Variants in TNRC6B observed in about 807,000 individuals in gnomAD.
The protein encoded by TNRC6B is trinucleotide repeat-containing gene 6B protein.
TNRC6B carries 52 observed loss-of-function variants against 203.6 expected under a neutral mutation model. The observed-to-expected ratio is 0.26, with a 90% confidence interval of 0.20 to 0.32. The LOEUF is 0.32. Ranked by LOEUF, TNRC6B falls within the 10% of genes least tolerant of loss-of-function variation. The probability of loss-of-function intolerance (pLI) is 1.00; values close to 1 mark genes in which losing one functional copy is unlikely to be tolerated. For synonymous variants in TNRC6B, 838 were observed against 845.7 expected, an observed-to-expected ratio of 0.99 and a Z score of 0.16; for missense variants, 1,923 against 2,286.2, an observed-to-expected ratio of 0.84 and a Z score of 3.24.
At chr22:40,281,344 G>A (rs2070719113) in intron 11 of TNRC6B, 55 bp downstream of exon 11, 1 of 1,399,076 alleles carries the variant, frequency 7.1e-7, no homozygotes, top group Non-Finnish European at 9.5e-7. Flanking sequence ...CCTTGGTCCT[G>A]GTCTGCAGTT....
At position 40,331,621 on chromosome 22, in the gene TNRC6B, C is replaced by T. The variant is rs367800790; in HGVS notation, c.*8380C>T. ...TATTATGCAAATGTGAATTTTGATA[C>T]TGAATTTAAGAAGAGGTTGTTGGAT... On this transcript the variant is annotated 3_prime_UTR_variant, in exon 23 of 23. Coordinates refer to ENST00000454349, the MANE Select transcript of TNRC6B (RefSeq NM_001162501.2). 13 of 298,566 alleles carry T rather than the reference C, an allele frequency of 4.4e-5. 1 individual carries two copies. Among genetic ancestry groups the T allele is most frequent in the East Asian group, 2.9e-4 (6 of 20,766 alleles). The allele number at this position is 298,566 out of a possible 1,614,324, so 18.5% of individuals were successfully genotyped here.
chr22:40,316,391 G>T (rs185974684), intron 21 of TNRC6B, among the ~76,000 whole-genome samples: 1 of 151,378 alleles, frequency 6.6e-6, no homozygotes, highest in Non-Finnish European at 1.5e-5. Flanking sequence ...AAAGATGGGG[G>T]TTGGTTTCTC....
chr22:40,282,808 T>A (rs2070735045), intron 11 of TNRC6B, among the ~76,000 whole-genome samples: 2 of 152,130 alleles, frequency 1.3e-5, no homozygotes, highest in South Asian at 4.1e-4. Flanking sequence ...AAATTTAAGA[T>A]TTCGATTTTC....
intron 4 of TNRC6B, among the ~76,000 whole-genome samples, chr22:40,163,726 A>G (rs1191722149): frequency 2.6e-5 from 4 of 152,098 alleles, no homozygotes; most frequent in Non-Finnish European, 4.4e-5. Flanking sequence ...GCATCATTGC[A>G]ATCCAGCCTG....
At chr22:40,072,293 C>T (rs996489955) in intron 1 of TNRC6B, among the ~76,000 whole-genome samples, 5 of 152,144 alleles carry the variant, frequency 3.3e-5, no homozygotes, top group East Asian at 1.9e-4. Context: ...GTTTCCCTAA[C>T]GGAGCGCTTA....
At chr22:40,052,592 A>G (rs57416327) in intron 1 of TNRC6B, among the ~76,000 whole-genome samples, 6,719 of 151,788 alleles carry the variant, frequency 0.044, 446 homozygotes, top group African/African-American at 0.15. Flanking sequence ...GAACAGCTGG[A>G]ACTACAGACA....
chr22:40,168,117 T>C (rs1168974101), intron 4 of TNRC6B, among the ~76,000 whole-genome samples: 1 of 152,220 alleles, frequency 6.6e-6, no homozygotes, highest in Non-Finnish European at 1.5e-5. Flanking sequence ...TAATAATTTA[T>C]CTTACACTTT....
At chr22:40,291,576 G>A (rs2070869812) in intron 12 of TNRC6B, among the ~76,000 whole-genome samples, 1 of 152,130 alleles carries the variant, frequency 6.6e-6, no homozygotes, top group Admixed American at 6.6e-5. Context: ...TGTTAACATT[G>A]TGTCCTTGAA....
At chr22:40,173,798 T>TATAA (rs1347105048), upstream of TNRC6B, among the ~76,000 whole-genome samples, 2 of 61,112 alleles carry the variant, frequency 3.3e-5, no homozygotes, top group Admixed American at 2.1e-4. Flanking sequence ...TATATATTTT[T>TATAA]TTTTTTTTTT....
At chr22:40,233,901 C>T (rs1047919551) in intron 1 of TNRC6B, among the ~76,000 whole-genome samples, 1 of 152,174 alleles carries the variant, frequency 6.6e-6, no homozygotes. Flanking sequence ...TTGTTCTTGC[C>T]TGCACATGCA....
chr22:40,236,756 T>A (rs1167135259), intron 1 of TNRC6B, among the ~76,000 whole-genome samples: 2 of 152,140 alleles, frequency 1.3e-5, no homozygotes, highest in Non-Finnish European at 2.9e-5. Context: ...CAGGTGGAGA[T>A]TAATATGTTC....
At chr22:40,081,817 T>C (rs2068066040) in intron 1 of TNRC6B, among the ~76,000 whole-genome samples, 1 of 152,216 alleles carries the variant, frequency 6.6e-6, no homozygotes, top group African/African-American at 2.4e-5. Context: ...TTCTCTTGTT[T>C]ATCTCTGAAA....
At chr22:40,106,341 C>T in intron 1 of TNRC6B, 1 of 1,166,864 alleles carries the variant, frequency 8.6e-7, no homozygotes, top group Non-Finnish European at 1.2e-6. Flanking sequence ...TCTAATAAGC[C>T]TGTTGATCTG....
chr22:40,105,928 G>A lies in TNRC6B; in HGVS notation c.-120-11127G>A, dbSNP rs575385417. Among the ~76,000 whole-genome samples, 5 of 152,266 alleles carry A rather than the reference G, an allele frequency of 3.3e-5. No individual in the cohort carries two copies. The East Asian group carries it at 7.7e-4, about 23-fold the overall frequency. On this transcript the variant is annotated intron_variant, in intron 1 of 23. Transcript: ENST00000301923. Reference sequence around the variant, plus strand: ...AGATTTCTGTTGTTCCATAGCCCGAGCAACACTTAATCATATCAGACTTTG... The same window carrying A: ...AGATTTCTGTTGTTCCATAGCCCGAACAACACTTAATCATATCAGACTTTG...
intron 4 of TNRC6B, among the ~76,000 whole-genome samples, chr22:40,160,779 G>A (rs2068865378): frequency 1.3e-5 from 2 of 151,918 alleles, no homozygotes; most frequent in African/African-American, 2.4e-5. Flanking sequence ...GCCGAGGCTG[G>A]TCTCAAACTC....
At chr22:40,263,938 G>A (rs1264317199) in intron 4 of TNRC6B, among the ~76,000 whole-genome samples, 1 of 152,236 alleles carries the variant, frequency 6.6e-6, no homozygotes, top group Non-Finnish European at 1.5e-5. Context: ...GGGAAGGAAA[G>A]TTGTGAACAT....
At chr22:40,096,680 A>G (rs956572230) in intron 1 of TNRC6B, among the ~76,000 whole-genome samples, 9 of 152,332 alleles carry the variant, frequency 5.9e-5, no homozygotes, top group African/African-American at 2.2e-4. Context: ...CATGTGTTAC[A>G]TACTATGCCA....
chr22:40,103,206 T>A (rs1243840100), intron 1 of TNRC6B, among the ~76,000 whole-genome samples: 1 of 151,816 alleles, frequency 6.6e-6, no homozygotes, highest in South Asian at 2.1e-4. Flanking sequence ...AGTTTGAGTC[T>A]GCCGTGAGCT....
intron 3 of TNRC6B, among the ~76,000 whole-genome samples, chr22:40,126,653 C>A (rs929837593): frequency 7.9e-6 from 1 of 126,060 alleles, no homozygotes; most frequent in East Asian, 2.4e-4. Context: ...TGCAGTCATA[C>A]GATCTTGACT....
Sources: allele counts gnomAD v4.1 joint callset (sites outside exome capture counted in the v4.1 genomes callset), GRCh38; gene constraint gnomAD v4.1.1; transcripts MANE v1.5; gene names NCBI Gene and HGNC (gene_info 2026-07-23, HGNC 2026-07-21).